The following CDH18 variants were observed in gnomAD, a reference collection of about 807,000 sequenced individuals.
CDH18 encodes cadherin 18.
CDH18 carries 31 observed loss-of-function variants against 67.9 expected under a neutral mutation model. The ratio of observed to expected loss-of-function variants is 0.46; its 90% confidence interval spans 0.34 to 0.62. CDH18 has a LOEUF of 0.62. Among genes scored for constraint, CDH18 ranks in the 20% least tolerant of loss-of-function variants. The probability of loss-of-function intolerance (pLI) is 0.01; values close to 1 mark genes in which losing one functional copy is unlikely to be tolerated. For missense variants in CDH18, 890 were observed against 975.5 expected, an observed-to-expected ratio of 0.91 and a Z score of 1.17; for synonymous variants, 362 against 347.2, an observed-to-expected ratio of 1.04 and a Z score of -0.48.
intron 1 of CDH18, among the ~76,000 whole-genome samples, chr5:20,551,411 A>G (rs1757625577): frequency 6.6e-6 from 1 of 152,138 alleles, no homozygotes; most frequent in Admixed American, 6.5e-5. Flanking sequence ...AACACCTTCT[A>G]GTCTTACCAG....
chr5:20,307,515 C>G (rs917609242), intron 1 of CDH18, among the ~76,000 whole-genome samples: 1 of 152,084 alleles, frequency 6.6e-6, no homozygotes, highest in African/African-American at 2.4e-5. Context: ...TAGAACAGCA[C>G]TAGAGAAGAC....
chr5:19,713,382 C>T (rs997442324), intron 5 of CDH18, among the ~76,000 whole-genome samples: 3 of 152,074 alleles, frequency 2.0e-5, no homozygotes, highest in African/African-American at 7.2e-5. Flanking sequence ...TTTCCTTACT[C>T]TGTTTGCTTA....
At chr5:19,919,722 T>C (rs1792224136) in intron 2 of CDH18, among the ~76,000 whole-genome samples, 1 of 152,200 alleles carries the variant, frequency 6.6e-6, no homozygotes, top group African/African-American at 2.4e-5. Flanking sequence ...ATAACAGTCA[T>C]TTCTACTTTG....
At chr5:19,768,454 C>A (rs1472806071) in intron 3 of CDH18, among the ~76,000 whole-genome samples, 1 of 152,040 alleles carries the variant, frequency 6.6e-6, no homozygotes, top group African/African-American at 2.4e-5. Context: ...ATACAAAGAA[C>A]ATAGATCTAA....
At chr5:20,081,789 A>G (rs1403179717) in intron 2 of CDH18, among the ~76,000 whole-genome samples, 1 of 152,058 alleles carries the variant, frequency 6.6e-6, no homozygotes, top group Non-Finnish European at 1.5e-5. Context: ...ACTGGGGCCT[A>G]CTCGAGGGTG....
At position 19,483,340 on chromosome 5, in the gene CDH18, C is replaced by T. The variant is rs1364968721; in HGVS notation, c.1843G>A (p.Ala615Thr). The change falls in exon 12 of 13, where the codon GCC becomes ACC. Residue 615 changes from alanine (A) to threonine (T), a missense_variant. Transcript: ENST00000382275. ...FLSSAGLSTG[A>T]LIAILLCVLI... ...ACACAGAGAAGAATAGCGATTAAGG[C>T]TCCTGTACTCAAACCAGCCGAGGAC... 1 of 1,614,022 alleles carries T rather than the reference C, an allele frequency of 6.2e-7. No individual in the cohort carries two copies. The highest frequency in any genetic ancestry group is 8.5e-7 in the Non-Finnish European group (1 of 1,179,952).
chr5:20,060,463 CAAAAAAAGAA>C (rs886934444), intron 2 of CDH18, among the ~76,000 whole-genome samples: 16 of 148,368 alleles, frequency 1.1e-4, no homozygotes, highest in Admixed American at 1.0e-3. Flanking sequence ...GATTCTGTCT[CAAAAAAAGAA>C]AAAAAAAGAA....
chr5:19,874,272 A>T (rs1396901308), intron 2 of CDH18, among the ~76,000 whole-genome samples: 1 of 152,208 alleles, frequency 6.6e-6, no homozygotes, highest in Non-Finnish European at 1.5e-5. Flanking sequence ...TGTTCTGCAC[A>T]TCACTGCAGT....
At chr5:19,502,263 C>G (rs1050071592) in intron 11 of CDH18, among the ~76,000 whole-genome samples, 1 of 152,074 alleles carries the variant, frequency 6.6e-6, no homozygotes, top group Non-Finnish European at 1.5e-5. Flanking sequence ...TAAACATAAT[C>G]AAATATATAG....
chr5:19,959,981 T>C (rs897446771), intron 2 of CDH18, among the ~76,000 whole-genome samples: 5 of 152,128 alleles, frequency 3.3e-5, no homozygotes, highest in African/African-American at 1.2e-4. Flanking sequence ...ATGATGCACC[T>C]GTATAGGATG....
At chr5:20,493,356 TAAAAAAAAA>T (rs148292031) in intron 1 of CDH18, among the ~76,000 whole-genome samples, 3,050 of 47,310 alleles carry the variant, frequency 0.064, 68 homozygotes, top group Middle Eastern at 0.14. Context: ...TTCAGAAAAT[TAAAAAAAAA>T]AAAAAAAAAA....
intron 1 of CDH18, among the ~76,000 whole-genome samples, chr5:20,366,888 T>A (rs886217060): frequency 1.3e-4 from 20 of 152,236 alleles, no homozygotes; most frequent in African/African-American, 4.8e-4. Context: ...CCCAAGGCAT[T>A]CCTGGACTCT....
At chr5:19,940,201 A>G (rs1324924308) in intron 2 of CDH18, among the ~76,000 whole-genome samples, 2 of 151,512 alleles carry the variant, frequency 1.3e-5, no homozygotes, top group Non-Finnish European at 2.9e-5. Context: ...TATTCATCTG[A>G]TTACTGAGAA....
chr5:20,058,651 T>A (rs1255262911), intron 2 of CDH18, among the ~76,000 whole-genome samples: 6 of 152,078 alleles, frequency 3.9e-5, no homozygotes, highest in Non-Finnish European at 8.8e-5. Flanking sequence ...CCTCAAAAAA[T>A]TAAATCAAAA....
chr5:19,961,196 G>A (rs968617328), intron 2 of CDH18, among the ~76,000 whole-genome samples: 6 of 149,832 alleles, frequency 4.0e-5, no homozygotes, highest in African/African-American at 9.8e-5. Flanking sequence ...TCCGCCTCCT[G>A]GGTTCATGAG....
intron 1 of CDH18, among the ~76,000 whole-genome samples, chr5:20,488,348 C>T (rs538801955): frequency 6.6e-6 from 1 of 151,972 alleles, no homozygotes; most frequent in African/African-American, 2.4e-5. Context: ...TTCACGTACC[C>T]TTTTAAGACA....
chr5:19,721,287 A>G, intron 5 of CDH18, 60 bp downstream of exon 5: 1 of 1,465,436 alleles, frequency 6.8e-7, no homozygotes, highest in Non-Finnish European at 9.2e-7. Flanking sequence ...AATAAAAACC[A>G]TTGCTTTGCA....
At chr5:20,089,659 A>G (rs1380341103) in intron 2 of CDH18, among the ~76,000 whole-genome samples, 1 of 152,100 alleles carries the variant, frequency 6.6e-6, no homozygotes, top group South Asian at 2.1e-4. Context: ...TTTTGGCAAA[A>G]GCTGTGTAAA....
intron 6 of CDH18, among the ~76,000 whole-genome samples, chr5:19,597,271 T>C (rs1024424498): frequency 6.6e-6 from 1 of 152,188 alleles, no homozygotes; most frequent in African/African-American, 2.4e-5. Context: ...TACACTGGAA[T>C]CTCATAAGCA....
Sources: gnomAD v4.1 joint callset for allele counts (sites outside exome capture counted in the v4.1 genomes callset) on GRCh38, gnomAD v4.1.1 for gene constraint, MANE v1.5 for transcripts, NCBI Gene and HGNC (gene_info 2026-07-23, HGNC 2026-07-21) for gene names.